IQGAP2: variants seen among roughly 807,000 people sequenced by gnomAD.
IQGAP2 encodes the protein ras GTPase-activating-like protein IQGAP2.
In IQGAP2, 173 loss-of-function variants were observed where a neutral mutation model predicts 201.3. That is an observed-to-expected ratio of 0.86 (90% CI 0.76 to 0.98). IQGAP2 has a LOEUF of 0.98. Among genes scored for constraint, IQGAP2 ranks in the 50% least tolerant of loss-of-function variants. IQGAP2 has a pLI of 0.00. For missense variants in IQGAP2, 1,687 were observed against 1,864.8 expected, an observed-to-expected ratio of 0.90 and a Z score of 1.76; for synonymous variants, 675 against 673.9, an observed-to-expected ratio of 1.00 and a Z score of -0.03.
At chr5:76,626,556 C>A (rs1296682741) in intron 13 of IQGAP2, among the ~76,000 whole-genome samples, 1 of 152,090 alleles carries the variant, frequency 6.6e-6, no homozygotes, top group East Asian at 1.9e-4. Flanking sequence ...CAGGTGTAAG[C>A]CACCATGCCC....
chr5:76,689,248 A>AC (rs1746059919), intron 30 of IQGAP2, among the ~76,000 whole-genome samples: 2 of 149,688 alleles, frequency 1.3e-5, no homozygotes, highest in Non-Finnish European at 3.0e-5. Flanking sequence ...AAAAAAAAAA[A>AC]AAAAAAAACC....
intron 13 of IQGAP2, among the ~76,000 whole-genome samples, chr5:76,622,696 C>T (rs1230331061): frequency 6.6e-6 from 1 of 152,136 alleles, no homozygotes; most frequent in Non-Finnish European, 1.5e-5. Context: ...AAAGGTCATT[C>T]ATTTCGGAAA....
At chr5:76,618,948 G>T (rs1749309643) in intron 13 of IQGAP2, among the ~76,000 whole-genome samples, 3 of 152,292 alleles carry the variant, frequency 2.0e-5, no homozygotes, top group African/African-American at 7.2e-5. Flanking sequence ...AAACTATACA[G>T]GCATTCAGAC....
chr5:76,450,982 G>A (rs549214473), intron 1 of IQGAP2, among the ~76,000 whole-genome samples: 167 of 152,168 alleles, frequency 1.1e-3, no homozygotes, highest in African/African-American at 3.8e-3. Context: ...TGCATTAATA[G>A]CACCCATCTG....
chr5:76,618,103 G>A (rs781034204), intron 13 of IQGAP2: 45 of 1,614,022 alleles, frequency 2.8e-5, no homozygotes, highest in Middle Eastern at 3.3e-4. Flanking sequence ...GGCAGGCCCC[G>A]GTAGGTGAAA....
At chr5:76,550,975 G>A (rs1471260983) in intron 2 of IQGAP2, among the ~76,000 whole-genome samples, 3 of 151,280 alleles carry the variant, frequency 2.0e-5, no homozygotes, top group Non-Finnish European at 4.4e-5. Flanking sequence ...GCGACTGGCC[G>A]GGCGGGGGCT....
At chr5:76,612,512 A>G (rs1443258115) in intron 13 of IQGAP2, among the ~76,000 whole-genome samples, 2 of 152,156 alleles carry the variant, frequency 1.3e-5, no homozygotes, top group East Asian at 3.9e-4. Flanking sequence ...AATACATAAA[A>G]TAAAATAAAA....
chr5:76,477,830 A>C (rs921044799), intron 2 of IQGAP2, among the ~76,000 whole-genome samples: 27 of 152,088 alleles, frequency 1.8e-4, no homozygotes, highest in Non-Finnish European at 1.5e-5. Context: ...GATCTTGCTA[A>C]TATGTGTGTT....
intron 2 of IQGAP2, among the ~76,000 whole-genome samples, chr5:76,515,283 C>T (rs753236189): frequency 6.6e-6 from 1 of 152,152 alleles, no homozygotes; most frequent in Admixed American, 6.5e-5. Flanking sequence ...TTAAATGATG[C>T]TGTTGTTTTG....
Position 76,631,964 on chromosome 5 carries a change from C to T in IQGAP2, c.1718C>T (p.Pro573Leu), listed in dbSNP as rs1023869327. The T allele has an allele frequency of 1.5e-5, 24 of 1,612,432 alleles. No individual in the cohort carries two copies. The Middle Eastern group carries it at 1.7e-3, about 111-fold the overall frequency. ...SSTSNANDII[P>L]ECADKYYDAL... ...ACTTCTAATGCAAATGACATAATCC[C>T]GGAGTGTGCTGACAAATACTATGAT... The change falls in exon 15 of 36, where the codon CCG becomes CTG. Residue 573 changes from proline (P) to leucine (L), a missense_variant. Physicochemically the swap from Pro to Leu is moderately conservative, Grantham distance 98 (BLOSUM62 -3). Transcript: ENST00000274364.
chr5:76,477,012 C>T (rs1163463136), intron 2 of IQGAP2, among the ~76,000 whole-genome samples: 2 of 152,116 alleles, frequency 1.3e-5, no homozygotes, highest in Non-Finnish European at 2.9e-5. Flanking sequence ...TAAGAAAATG[C>T]TGGTCATGAA....
At chr5:76,677,153 A>G (rs1337428447) in intron 27 of IQGAP2, 65 bp from the exon 28 acceptor site, 25 of 1,480,364 alleles carry the variant, frequency 1.7e-5, no homozygotes, top group Non-Finnish European at 2.3e-5. Flanking sequence ...TTTCCTAGCT[A>G]TTTTGATGAA....
intron 2 of IQGAP2, among the ~76,000 whole-genome samples, chr5:76,506,246 C>G (rs560442142): frequency 6.6e-6 from 1 of 152,172 alleles, no homozygotes; most frequent in African/African-American, 2.4e-5. Flanking sequence ...GAGGGCAGGA[C>G]GAAGGACTGG....
At chr5:76,653,926 T>C (rs1251073488) in intron 18 of IQGAP2, among the ~76,000 whole-genome samples, 4 of 152,170 alleles carry the variant, frequency 2.6e-5, no homozygotes, top group Non-Finnish European at 5.9e-5. Context: ...TAAGGTAAAA[T>C]AGTACAAAGT....
chr5:76,648,302 A>G (rs1249928690), intron 17 of IQGAP2, among the ~76,000 whole-genome samples: 1 of 152,166 alleles, frequency 6.6e-6, no homozygotes, highest in East Asian at 1.9e-4. Context: ...ATATAGACAG[A>G]AACCAAATGG....
At chr5:76,700,037 T>C (rs1252592199) in intron 33 of IQGAP2, among the ~76,000 whole-genome samples, 1 of 151,906 alleles carries the variant, frequency 6.6e-6, no homozygotes, top group Non-Finnish European at 1.5e-5. Context: ...TATGCACTTA[T>C]AATTACATAA....
intron 2 of IQGAP2, among the ~76,000 whole-genome samples, chr5:76,510,019 T>C (rs1262859200): frequency 1.3e-5 from 2 of 151,602 alleles, no homozygotes; most frequent in East Asian, 3.9e-4. Flanking sequence ...TTTAGTTTTT[T>C]GAGATAGTCT....
intron 35 of IQGAP2, 56 bp downstream of exon 35, chr5:76,702,646 T>C: frequency 1.2e-6 from 1 of 815,462 alleles, no homozygotes; most frequent in South Asian, 1.5e-5. Flanking sequence ...GGATCATACA[T>C]TGCTACCCTG....
intron 8 of IQGAP2, among the ~76,000 whole-genome samples, chr5:76,591,502 A>G (rs1022250134): frequency 1.3e-5 from 2 of 152,160 alleles, no homozygotes; most frequent in African/African-American, 2.4e-5. Flanking sequence ...AGCTCTTGCC[A>G]TGTCAGTTTC....
Sources: allele counts gnomAD v4.1 joint callset (sites outside exome capture counted in the v4.1 genomes callset), GRCh38; gene constraint gnomAD v4.1.1; transcripts MANE v1.5; gene names NCBI Gene and HGNC (gene_info 2026-07-23, HGNC 2026-07-21).